NMUR1: variants seen among roughly 807,000 people sequenced by gnomAD.
NMUR1 encodes neuromedin U receptor 1.
NMUR1 carries 16 observed loss-of-function variants against 18.8 expected under a neutral mutation model. That is an observed-to-expected ratio of 0.85 (90% CI 0.58 to 1.29). NMUR1 has a LOEUF of 1.29. Ranked by LOEUF, NMUR1 falls within the 50% of genes most tolerant of loss-of-function variation. NMUR1 has a pLI of 0.00. For missense variants in NMUR1, 529 were observed against 580.3 expected (o/e 0.91, Z 0.91); for synonymous variants, 258 against 258.2 (o/e 1.00, Z 0.01).
rs1308531259 is a variant in NMUR1 at position 231,523,598 on chromosome 2, G to C, written c.*1445C>G. ...TTCTCGGCAGGGAGCATGAGCTATG[G>C]GCATGAGCTAGGAAGCTGTCTGCAG... is the stretch of plus-strand genomic sequence containing the variant. On this transcript the variant is annotated 3_prime_UTR_variant, in exon 3 of 3. Transcript: ENST00000305141. 5.8e-6 allele frequency: 1 copy of C among 171,520 alleles called. No homozygotes were observed. The highest frequency in any genetic ancestry group is 1.2e-5 in the Non-Finnish European group (1 of 81,262). 10.6% of individuals were successfully genotyped at this position (171,520 alleles called of 1,614,324 possible).
chr2:231,520,254 A>G (rs1045641799), downstream of NMUR1, among the ~76,000 whole-genome samples: 1 of 152,226 alleles, frequency 6.6e-6, no homozygotes, highest in Admixed American at 6.5e-5. Flanking sequence ...CAGTAGCTCA[A>G]ATATCAACAG....
chr2:231,520,429 G>T (rs1419052278), downstream of NMUR1, among the ~76,000 whole-genome samples: 1 of 152,202 alleles, frequency 6.6e-6, no homozygotes, highest in African/African-American at 2.4e-5. Flanking sequence ...CAGCTGGCTT[G>T]GTCCATCATG....
downstream of NMUR1, among the ~76,000 whole-genome samples, chr2:231,522,826 G>A (rs1349655304): frequency 6.6e-6 from 1 of 152,058 alleles, no homozygotes; most frequent in Non-Finnish European, 1.5e-5. Context: ...CCCACCCCCA[G>A]CCTCTGTTGC....
downstream of NMUR1, among the ~76,000 whole-genome samples, chr2:231,519,292 T>C (rs1254064271): frequency 7.9e-5 from 12 of 152,190 alleles, no homozygotes; most frequent in Admixed American, 7.9e-4. Flanking sequence ...AGGGCGCACT[T>C]ACCCAAGTTC....
At chr2:231,525,836 A>G (rs1221116769) in intron 2 of NMUR1, among the ~76,000 whole-genome samples, 1 of 152,240 alleles carries the variant, frequency 6.6e-6, no homozygotes, top group Non-Finnish European at 1.5e-5. Context: ...TTGCTGATGC[A>G]TAAGTACAGA....
chr2:231,519,616 C>T (rs1575282665), downstream of NMUR1, among the ~76,000 whole-genome samples: 1 of 152,316 alleles, frequency 6.6e-6, no homozygotes, highest in South Asian at 2.1e-4. Flanking sequence ...TCCAGTCTGA[C>T]TTTGGCCTTA....
At chr2:231,521,973 C>CTCTCTCTTTTTTTTTTTTT (rs71396675), downstream of NMUR1, among the ~76,000 whole-genome samples, 1 of 83,828 alleles carries the variant, frequency 1.2e-5, no homozygotes, top group Admixed American at 1.6e-4. Flanking sequence ...TTTTTTTTCT[C>CTCTCTCTTTTTTTTTTTTT]TTTTTTTTTT....
Position 231,525,105 on chromosome 2 carries a change from A to G in NMUR1, c.1219T>C (p.Trp407Arg). 1.9e-6 allele frequency: 3 copies of G among 1,612,100 alleles called. No homozygotes were observed. Among genetic ancestry groups the G allele is most frequent in the Non-Finnish European group, 2.5e-6 (3 of 1,178,878 alleles). ...TCGTTCCCAGCCAGGGGGTGGACCC[A>G]GCTGCCCAGGGAGCCCACATCACAC... ...TLCDVGSLGSWVHPLAGNDGP... is the reference protein window; with the variant it reads ...TLCDVGSLGSRVHPLAGNDGP... Residue 407 changes from tryptophan (W) to arginine (R), a missense_variant, in exon 3 of 3, where the codon TGG (tryptophan) becomes CGG (arginine). By Grantham distance (101) the Trp-to-Arg change is moderately radical. Coordinates refer to ENST00000305141, the MANE Select transcript of NMUR1 (RefSeq NM_006056.5).
chr2:231,518,826 A>G (rs888617365), downstream of NMUR1, among the ~76,000 whole-genome samples: 8 of 152,278 alleles, frequency 5.3e-5, no homozygotes, highest in South Asian at 2.1e-4. Flanking sequence ...GTGCCTGTCC[A>G]GTGTTCATTC....
Position 231,528,277 on chromosome 2 carries a change from G to C in NMUR1, c.744C>G (p.Ser248Arg). The C allele has an allele frequency of 6.2e-7, 1 of 1,613,810 alleles. No individual in the cohort carries two copies. The highest frequency in any genetic ancestry group is 8.5e-7 in the Non-Finnish European group (1 of 1,179,768). The change falls in exon 2 of 3, where the codon AGC (serine) becomes AGG (arginine). Residue 248 changes from serine to arginine, a missense_variant. Coordinates refer to ENST00000305141, the MANE Select transcript of NMUR1 (RefSeq NM_006056.5). ...GCAGCCCAATGAGCAGGTAGAGCAC[G>C]CTCATGATGGCCATGGGCAGGCAGA... is the stretch of plus-strand genomic sequence containing the variant. ...LFFCLPMAIMSVLYLLIGLRL... is the reference protein window; with the variant it reads ...LFFCLPMAIMRVLYLLIGLRL...
downstream of NMUR1, among the ~76,000 whole-genome samples, chr2:231,521,607 G>A (rs1395917760): frequency 6.6e-6 from 1 of 152,160 alleles, no homozygotes; most frequent in Non-Finnish European, 1.5e-5. Context: ...ACCCAGGAAA[G>A]CAGCAGGAGT....
In NMUR1 at chr2:231,525,300, C is replaced by T. The variant is rs368575377; in HGVS notation, c.1024G>A (p.Gly342Ser). 40 of 1,613,672 alleles carry T rather than the reference C, an allele frequency of 2.5e-5. No homozygotes were observed. The highest frequency in any genetic ancestry group is 1.5e-4 in the African/African-American group (11 of 74,766). ...GCCGAGCCCAGGTAGAAGAAGATGC[C>T]GGAGATGACGTGCACGTGCTGGAAG... ...LAFQHVHVIS[G>S]IFFYLGSAAN... The change falls in exon 3 of 3, where the codon GGC becomes AGC. Residue 342 changes from glycine to serine, a missense_variant. Physicochemically the swap from Gly to Ser is moderately conservative, Grantham distance 56. Transcript: ENST00000305141.
rs1387073466 is a variant in NMUR1, at chr2:231,524,074, G to A, written c.*969C>T. ...ATGGGGAGGTCAGGGAGGAAGTGGG[G>A]CTTGGGGTTGATAAAGATGCAGATA... is the stretch of plus-strand genomic sequence containing the variant. On this transcript the variant is annotated 3_prime_UTR_variant, in exon 3 of 3. Transcript: ENST00000305141. 6.6e-6 allele frequency: 1 copy of A among 152,298 alleles called. No homozygotes were observed. The highest frequency in any genetic ancestry group is 1.5e-5 in the Non-Finnish European group (1 of 68,084). The allele number at this position is 152,298 out of a possible 1,614,324, so 9.4% of individuals were successfully genotyped here.
chr2:231,519,173 A>C (rs1449141), downstream of NMUR1, among the ~76,000 whole-genome samples: 43,295 of 152,116 alleles, frequency 0.28, 6,752 homozygotes, highest in East Asian at 0.5. Context: ...AAGGGGCTTG[A>C]ATGTTAGATT....
downstream of NMUR1, among the ~76,000 whole-genome samples, chr2:231,522,942 G>A (rs2047319859): frequency 6.6e-6 from 1 of 152,176 alleles, no homozygotes; most frequent in African/African-American, 2.4e-5. Flanking sequence ...GTAGGCAGGG[G>A]GCATCCAGGC....
chr2:231,530,342 G>A lies in NMUR1; in HGVS notation c.3+17C>T. 6.7e-7 allele frequency: 1 copy of A among 1,494,502 alleles called. No individual in the cohort carries two copies. The highest frequency in any genetic ancestry group is 8.9e-7 in the Non-Finnish European group (1 of 1,129,308). 92.6% of individuals were successfully genotyped at this position (1,494,502 alleles called of 1,614,324 possible). A position where few individuals can be genotyped will look rare whatever the true frequency, so the allele number is the denominator to read the frequency against. ...CAGCTGCCGCGCCCTAGCCCACGCC[G>A]GCGCCTGCGCACCTACCATGCGGCC... On this transcript the variant is annotated intron_variant, in intron 1 of 2. Transcript: ENST00000305141.
chr2:231,525,456 C>A, intron 2 of NMUR1, 31 bp from the exon 3 acceptor site: 1 of 1,569,752 alleles, frequency 6.4e-7, no homozygotes, highest in South Asian at 1.2e-5. Flanking sequence ...GGCCGAGTGC[C>A]CGCCCGAGGC....
intron 2 of NMUR1, among the ~76,000 whole-genome samples, chr2:231,526,571 C>T (rs571667462): frequency 4.5e-4 from 68 of 152,330 alleles, no homozygotes; most frequent in Non-Finnish European, 8.8e-4. Flanking sequence ...CAGGCTTCAC[C>T]GTGCAGAGCT....
rs564965762 is a variant in NMUR1, at chr2:231,525,215, G to A, written c.1109C>T (p.Ala370Val). ...ATGGCAGCAGGCCCCGAGGCACAGGGCCTCCTGGAAGGTCTCTCGGAAGCG... is the reference window on the plus strand; with the variant it reads ...ATGGCAGCAGGCCCCGAGGCACAGGACCTCCTGGAAGGTCTCTCGGAAGCG... ...SSRFRETFQE[A>V]LCLGACCHRL... Residue 370 changes from alanine to valine, a missense_variant, in exon 3 of 3, where the codon GCC becomes GTC. Physicochemically the swap from Ala to Val is moderately conservative, Grantham distance 64. Transcript: ENST00000305141. The A allele has an allele frequency of 7.4e-6, 12 of 1,614,156 alleles. No individual in the cohort carries two copies. Among genetic ancestry groups the A allele is most frequent in the African/African-American group, 4.0e-5 (3 of 75,046 alleles).
Sources: gnomAD v4.1 joint callset for allele counts (sites outside exome capture counted in the v4.1 genomes callset) on GRCh38, gnomAD v4.1.1 for gene constraint, MANE v1.5 for transcripts, NCBI Gene and HGNC (gene_info 2026-07-23, HGNC 2026-07-21) for gene names.